RGPD3: variants seen among roughly 807,000 people sequenced by gnomAD.
RGPD3 encodes ranBP2-like and GRIP domain-containing protein 3.
Under a neutral mutation model 154.5 loss-of-function variants are expected in RGPD3, and 62 were observed. The observed-to-expected ratio is 0.40, with a 90% CI of 0.33 to 0.50. The LOEUF (loss-of-function observed/expected upper bound fraction) is 0.50, where lower values mean the gene tolerates loss of function less well. RGPD3 is among the 20% of genes least tolerant of loss of function. The pLI, the probability that RGPD3 is intolerant of heterozygous loss-of-function variation, is 0.59. For missense variants in RGPD3, 919 were observed against 1,716.8 expected (o/e 0.54, Z 8.21); for synonymous variants, 308 against 607.0 (o/e 0.51, Z 7.24).
chr2:106,412,396 G>A (rs1185921857), intron 22 of RGPD3, among the ~76,000 whole-genome samples: 10 of 134,680 alleles, frequency 7.4e-5, no homozygotes, highest in East Asian at 6.9e-4. Context: ...TGCAACCTCC[G>A]CCTCGTGAGT....
intron 1 of RGPD3, among the ~76,000 whole-genome samples, chr2:106,466,904 G>A (rs867210597): frequency 9.1e-6 from 1 of 110,006 alleles, no homozygotes; most frequent in African/African-American, 3.1e-5. Context: ...CGAGGCCGCC[G>A]CCTCCACAGA....
intron 22 of RGPD3, among the ~76,000 whole-genome samples, chr2:106,406,816 G>A (rs1030879851): frequency 3.9e-5 from 6 of 152,080 alleles, no homozygotes; most frequent in Non-Finnish European, 7.3e-5. Context: ...GTTTTCATAC[G>A]TATATATGTA....
In RGPD3 at chr2:106,424,122, A is replaced by C; in HGVS notation, c.3845T>G (p.Leu1282Arg). The change falls in exon 20 of 23, where the codon CTT (leucine) becomes CGT (arginine). Residue 1282 changes from leucine (L) to arginine (R), a missense_variant. Transcript: ENST00000409886. ...TGTTGTTGACTCATCAAAGTGGAAA[A>C]GATTTTTTCTCACAGGGCTACTTGC... The part of the protein sequence containing the change: ...PLASSPVRKN[L>R]FHFDESTTGS... The C allele has an allele frequency of 6.3e-7, 1 of 1,579,658 alleles. No individual in the cohort carries two copies. Among genetic ancestry groups the C allele is most frequent in the South Asian group, 1.1e-5 (1 of 88,970 alleles).
At chr2:106,468,192 G>A (rs538599383) in intron 1 of RGPD3, 25 bp downstream of exon 1, 3 of 1,591,632 alleles carry the variant, frequency 1.9e-6, no homozygotes, top group African/African-American at 1.3e-5. Context: ...GGTCGAGGCC[G>A]TCGGTCTCTT....
intron 22 of RGPD3, among the ~76,000 whole-genome samples, chr2:106,412,496 G>C (rs968638614): frequency 6.6e-6 from 1 of 150,982 alleles, no homozygotes; most frequent in African/African-American, 2.4e-5. Context: ...TTTTAGTAGA[G>C]ACGAGATTTC....
intron 1 of RGPD3, among the ~76,000 whole-genome samples, chr2:106,466,939 G>C (rs1678625581): frequency 8.7e-6 from 1 of 114,870 alleles, no homozygotes; most frequent in Non-Finnish European, 1.9e-5. Context: ...AGCGCCCGTC[G>C]GGAGCCATGA....
At chr2:106,467,962 G>A (rs1260706335) in intron 1 of RGPD3, among the ~76,000 whole-genome samples, 1 of 136,348 alleles carries the variant, frequency 7.3e-6, no homozygotes, top group Non-Finnish European at 1.6e-5. Context: ...CTGAGCCATC[G>A]AGGCCGCCGC....
intron 7 of RGPD3, among the ~76,000 whole-genome samples, chr2:106,444,919 T>A (rs1269728610): frequency 7.9e-6 from 1 of 126,866 alleles, no homozygotes; most frequent in Non-Finnish European, 1.6e-5. Flanking sequence ...TGAGCTACGA[T>A]TACGCAACTG....
intron 22 of RGPD3, among the ~76,000 whole-genome samples, chr2:106,409,725 C>T (rs1676611638): frequency 6.6e-6 from 1 of 151,216 alleles, no homozygotes; most frequent in African/African-American, 2.4e-5. Context: ...CAGCCATTCT[C>T]TTCATATATT....
At chr2:106,441,996 A>G (rs1426542832) in intron 7 of RGPD3, among the ~76,000 whole-genome samples, 5 of 138,294 alleles carry the variant, frequency 3.6e-5, no homozygotes, top group Non-Finnish European at 7.7e-5. Flanking sequence ...CCTGAACAAC[A>G]CGGTGAGACC....
chr2:106,451,608 C>G lies in RGPD3; in HGVS notation c.782+597G>C, dbSNP rs1282353533. Among the ~76,000 whole-genome samples, 6 of 151,200 alleles carry G rather than the reference C, an allele frequency of 4.0e-5. No individual in the cohort carries two copies. The East Asian group carries it at 1.2e-3, about 30-fold the overall frequency. ...TTAGGCAGGGGCCATATTTGGCCCACAAGTTCTAATCAACAACCCCTGCTC... is the reference window on the plus strand; with the variant it reads ...TTAGGCAGGGGCCATATTTGGCCCAGAAGTTCTAATCAACAACCCCTGCTC... On this transcript the variant is annotated intron_variant, in intron 6 of 22. Transcript: ENST00000409886.
chr2:106,459,373 T>C (rs776821376), intron 1 of RGPD3, 41 bp from the exon 2 acceptor site: 2 of 1,396,178 alleles, frequency 1.4e-6, no homozygotes, highest in Non-Finnish European at 1.9e-6. Flanking sequence ...CATACAGAAA[T>C]ATTTTCCAAC....
upstream of RGPD3, among the ~76,000 whole-genome samples, chr2:106,468,869 A>G (rs1319654795): frequency 1.4e-5 from 2 of 147,042 alleles, no homozygotes; most frequent in African/African-American, 5.0e-5. Context: ...TGAGGAACTA[A>G]GAGCCCAGGA....
At chr2:106,434,143 G>T in intron 15 of RGPD3, 85 bp downstream of exon 15, 1 of 1,597,670 alleles carries the variant, frequency 6.3e-7, no homozygotes, top group African/African-American at 1.3e-5. Context: ...AGTATTTTTT[G>T]AAATTACCAA....
chr2:106,461,849 A>G (rs1678414261), intron 1 of RGPD3, among the ~76,000 whole-genome samples: 1 of 152,098 alleles, frequency 6.6e-6, no homozygotes, highest in Non-Finnish European at 1.5e-5. Context: ...AAAGAACTAT[A>G]GCAATCTTAA....
chr2:106,441,292 C>T lies in RGPD3; in HGVS notation c.1066+1G>A, dbSNP rs927680328. On this transcript the variant is annotated splice_donor_variant, in intron 8 of 22. Coordinates refer to ENST00000409886, the MANE Select transcript of RGPD3 (RefSeq NM_001144013.2). LOFTEE classifies it high-confidence loss of function. ...TTAAATTAGTTTAATATTACTATTA[C>T]CTGATTGGCTCAGTCGGTCACAGGC... The T allele has an allele frequency of 8.8e-6, 13 of 1,479,060 alleles. No individual in the cohort carries two copies. In the African/African-American group the frequency reaches 1.1e-4, roughly 13 times the overall value. 91.6% of individuals were successfully genotyped at this position (1,479,060 alleles called of 1,614,324 possible).
At chr2:106,450,546 G>T (rs1413735912) in intron 6 of RGPD3, among the ~76,000 whole-genome samples, 7 of 139,636 alleles carry the variant, frequency 5.0e-5, no homozygotes, top group African/African-American at 1.9e-4. Flanking sequence ...GAGGGCCAAG[G>T]GCTGTCCTCA....
rs1677732024 is a variant in RGPD3 at position 106,441,215 on chromosome 2, T to A, written c.1066+78A>T. On this transcript the variant is annotated intron_variant, in intron 8 of 22. Coordinates refer to ENST00000409886, the MANE Select transcript of RGPD3 (RefSeq NM_001144013.2). Reference sequence around the variant, plus strand: ...TTGACAAATTATCTCCTGGACAGACTGAGATTTTATCATAAGATATGCCTT... The same window carrying A: ...TTGACAAATTATCTCCTGGACAGACAGAGATTTTATCATAAGATATGCCTT... The A allele has an allele frequency of 1.9e-6, 3 of 1,580,816 alleles. No individual in the cohort carries two copies. In the Admixed American group the frequency reaches 5.2e-5, roughly 27 times the overall value.
At chr2:106,449,933 C>T (rs1314460650) in intron 6 of RGPD3, among the ~76,000 whole-genome samples, 971 of 150,614 alleles carry the variant, frequency 6.4e-3, no homozygotes, top group African/African-American at 0.022. Flanking sequence ...AGGAGAATGG[C>T]GTGAACCCTG....
Sources: allele counts gnomAD v4.1 joint callset (sites outside exome capture counted in the v4.1 genomes callset), GRCh38; gene constraint gnomAD v4.1.1; transcripts MANE v1.5; gene names NCBI Gene and HGNC (gene_info 2026-07-23, HGNC 2026-07-21).